Variants in VWF observed in about 807,000 individuals in gnomAD.
The protein encoded by VWF is von Willebrand factor.
A neutral mutation model predicts 308.6 loss-of-function variants in VWF; 176 were observed. The ratio of observed to expected loss-of-function variants is 0.57; its 90% CI spans 0.50 to 0.65. The LOEUF is 0.65. Among genes scored for constraint, VWF ranks in the 30% least tolerant of loss-of-function variants. The probability of loss-of-function intolerance (pLI) is 0.00; values close to 1 mark genes in which losing one functional copy is unlikely to be tolerated. For synonymous variants in VWF, 1,385 were observed against 1,443.4 expected (o/e 0.96, Z 0.92); for missense variants, 3,146 against 3,648.2 (o/e 0.86, Z 3.55).
intron 6 of VWF, among the ~76,000 whole-genome samples, chr12:6,078,807 C>T (rs1471240154): frequency 4.6e-5 from 7 of 152,208 alleles, no homozygotes; most frequent in African/African-American, 7.2e-5. Flanking sequence ...CAGAGCCCAG[C>T]ATGGCCCATC....
intron 6 of VWF, among the ~76,000 whole-genome samples, chr12:6,082,463 A>C (rs954121737): frequency 5.9e-5 from 9 of 152,324 alleles, no homozygotes; most frequent in Non-Finnish European, 1.0e-4. Context: ...GAACTGCTAT[A>C]CAATCGTTAA....
rs552465061 is a variant in VWF at position 5,994,508 on chromosome 12, G to A, written c.6163C>T (p.Leu2055Phe). The change falls in exon 36 of 52, where the codon CTT becomes TTT. Residue 2055 changes from leucine (L) to phenylalanine (F), a missense_variant. By Grantham distance (22) the Leu-to-Phe change is conservative. Transcript: ENST00000261405. ...GGAGTGAATGTGAAGATGTGACCAAGGTGATTGAATCTGACCTCATGCATG... is the reference window on the plus strand; with the variant it reads ...GGAGTGAATGTGAAGATGTGACCAAAGTGATTGAATCTGACCTCATGCATG... The part of the protein sequence containing the change: ...AIMHEVRFNH[L>F]GHIFTFTPQN... The A allele has an allele frequency of 3.0e-5, 49 of 1,614,068 alleles. 1 individual carries two copies. The Middle Eastern group carries it at 4.9e-4, about 16-fold the overall frequency.
At chr12:6,047,620 G>A (rs1239761106) in intron 16 of VWF, among the ~76,000 whole-genome samples, 1 of 152,244 alleles carries the variant, frequency 6.6e-6, no homozygotes, top group Non-Finnish European at 1.5e-5. Context: ...CCTGGACTAT[G>A]TAAAAGTCTC....
intron 47 of VWF, among the ~76,000 whole-genome samples, chr12:5,964,290 A>G (rs112681856): frequency 0.02 from 2,958 of 151,658 alleles, 109 homozygotes; most frequent in African/African-American, 0.068. Context: ...ATACATGCAT[A>G]CATACATACA....
chr12:5,958,352 T>C (rs1030536402), intron 47 of VWF, among the ~76,000 whole-genome samples: 2 of 152,166 alleles, frequency 1.3e-5, no homozygotes, highest in Non-Finnish European at 2.9e-5. Context: ...AAAGATGTAA[T>C]AGACAAATTA....
intron 37 of VWF, among the ~76,000 whole-genome samples, chr12:5,993,351 C>A (rs547063744): frequency 2.6e-5 from 4 of 152,238 alleles, no homozygotes; most frequent in African/African-American, 9.6e-5. Context: ...CACTAGCAAT[C>A]CTGCAGTGTT....
At chr12:6,013,059 T>A (rs539507286) in intron 32 of VWF, among the ~76,000 whole-genome samples, 1 of 152,322 alleles carries the variant, frequency 6.6e-6, no homozygotes, top group South Asian at 2.1e-4. Flanking sequence ...TACTTTGATA[T>A]GAGTCTCCGT....
intron 35 of VWF, 61 bp from the exon 36 acceptor site, chr12:5,994,668 G>A: frequency 1.3e-6 from 2 of 1,531,664 alleles, no homozygotes; most frequent in Non-Finnish European, 1.8e-6. Flanking sequence ...AGGTTTTTAG[G>A]GAAGTTACCG....
intron 43 of VWF, among the ~76,000 whole-genome samples, chr12:5,974,043 A>G (rs1943506627): frequency 6.6e-6 from 1 of 152,202 alleles, no homozygotes; most frequent in African/African-American, 2.4e-5. Context: ...GTGTTTCTGC[A>G]GACTGTGGCT....
At chr12:6,027,775 G>A (rs1944211173) in intron 22 of VWF, among the ~76,000 whole-genome samples, 1 of 151,442 alleles carries the variant, frequency 6.6e-6, no homozygotes, top group South Asian at 2.1e-4. Flanking sequence ...GATAATAAAT[G>A]TGTTGTTTTA....
chr12:6,018,193 T>G (rs754646702), intron 28 of VWF, among the ~76,000 whole-genome samples, 172 bp downstream of exon 28: 1 of 152,162 alleles, frequency 6.6e-6, no homozygotes, highest in Non-Finnish European at 1.5e-5. Context: ...TTTGTCTCCC[T>G]GCCAGGGAGG....
chr12:6,104,066 C>A (rs1945213401), intron 5 of VWF, among the ~76,000 whole-genome samples: 1 of 151,944 alleles, frequency 6.6e-6, no homozygotes. Flanking sequence ...TCAAACAACT[C>A]AACAACAATG....
At chr12:5,964,226 A>ACATACATACATACATGCATGCATGCATG (rs1943357141) in intron 47 of VWF, among the ~76,000 whole-genome samples, 6 of 127,836 alleles carry the variant, frequency 4.7e-5, no homozygotes, top group African/African-American at 1.6e-4. Context: ...AAAAATACAT[A>ACATACATACATACATGCATGCATGCATG]CATACATACA....
At chr12:5,962,538 C>CTTTTTTTT (rs35124526) in intron 47 of VWF, among the ~76,000 whole-genome samples, 5 of 101,592 alleles carry the variant, frequency 4.9e-5, no homozygotes, top group Admixed American at 1.0e-4. Flanking sequence ...ACAGGCAATT[C>CTTTTTTTT]TTTTTTTTTT....
intron 34 of VWF, among the ~76,000 whole-genome samples, chr12:6,002,014 A>G (rs1252111851): frequency 6.6e-6 from 1 of 152,168 alleles, no homozygotes; most frequent in Non-Finnish European, 1.5e-5. Context: ...CAGATAGTAC[A>G]GAATTTCTTT....
chr12:6,095,095 G>C (rs945021264), intron 6 of VWF, among the ~76,000 whole-genome samples: 1 of 151,984 alleles, frequency 6.6e-6, no homozygotes, highest in Non-Finnish European at 1.5e-5. Flanking sequence ...ACAGGACCCG[G>C]CTTCAGGTCA....
chr12:6,035,073 G>T (rs549551814), intron 19 of VWF, among the ~76,000 whole-genome samples: 28 of 152,310 alleles, frequency 1.8e-4, no homozygotes, highest in African/African-American at 6.7e-4. Context: ...GAAGGGAAGG[G>T]GTTGTCCAAA....
At position 5,976,203 on chromosome 12, in the gene VWF, C is replaced by T. The variant is rs760482755; in HGVS notation, c.7345G>A (p.Asp2449Asn). 4.3e-6 allele frequency: 7 copies of T among 1,614,126 alleles called. No homozygotes were observed. In the South Asian group the frequency reaches 6.6e-5, roughly 15 times the overall value. The change falls in exon 43 of 52, where the codon GAT becomes AAT. Residue 2449 changes from aspartate (D) to asparagine (N), a missense_variant. This residue lies in a region of VWF where 989 missense variants were observed against 1,117.4 expected (regional missense o/e 0.89). Transcript: ENST00000261405. The part of the protein sequence containing the change: ...PVGQFWEEGC[D>N]VCTCTDMEDA... ...TCCATGTCGGTGCAGGTGCACACAT[C>T]GCAGCCCTCCTCCCAGAACTGGCCC... is the stretch of plus-strand genomic sequence containing the variant.
intron 16 of VWF, among the ~76,000 whole-genome samples, chr12:6,051,898 C>T (rs1256406045): frequency 1.3e-5 from 2 of 152,188 alleles, no homozygotes; most frequent in African/African-American, 4.8e-5. Context: ...CAGATGTGAG[C>T]CACTGCCCCA....
Sources: gnomAD v4.1 joint callset for allele counts (sites outside exome capture counted in the v4.1 genomes callset) on GRCh38, gnomAD v4.1.1 for gene constraint, gnomAD v4.1.1 regional missense constraint, MANE v1.5 for transcripts, NCBI Gene and HGNC (gene_info 2026-07-23, HGNC 2026-07-21) for gene names.